The following EPS8 variants were observed in gnomAD, a reference collection of about 807,000 sequenced individuals.
EPS8 encodes epidermal growth factor receptor kinase substrate 8.
In EPS8, 42 loss-of-function variants were observed where a neutral mutation model predicts 103.8. That is an observed-to-expected ratio of 0.40 (90% confidence interval 0.32 to 0.52). The LOEUF (loss-of-function observed/expected upper bound fraction) is 0.52, where lower values mean the gene tolerates loss of function less well. EPS8 is among the 20% of genes least tolerant of loss of function. The pLI is 0.40. For missense variants in EPS8, 969 were observed against 1,005.1 expected, an observed-to-expected ratio of 0.96 and a Z score of 0.49; for synonymous variants, 344 against 344.6, an observed-to-expected ratio of 1.00 and a Z score of 0.02.
At position 15,713,568 on chromosome 12, in the gene EPS8, GT is replaced by G; in HGVS notation, c.-21-30597del. ...CTTGAAGGAGAAAGAACAGAAGAAA[GT>G]GCTCCCTCAAGAGAGAAAGCACTCT... is the stretch of plus-strand genomic sequence containing the variant. On this transcript the variant is annotated intron_variant, in intron 1 of 20. Coordinates refer to ENST00000281172, the MANE Select transcript of EPS8 (RefSeq NM_004447.6). This position sits in a 1 kb window ranked among gnomAD's most constrained non-coding sequence, Gnocchi z 4.8. Among the ~76,000 whole-genome samples, 1 of 152,248 alleles carries G rather than the reference GT, an allele frequency of 6.6e-6. No individual in the cohort carries two copies. Among genetic ancestry groups the G allele is most frequent in the South Asian group, 2.1e-4 (1 of 4,816 alleles).
rs751623788 is a variant in EPS8, at chr12:15,666,448, G to T, written c.591C>A (p.Asp197Glu). The change falls in exon 7 of 21, where the codon GAC (aspartate) becomes GAA (glutamate). Residue 197 changes from aspartate to glutamate, a missense_variant. Coordinates refer to ENST00000281172, the MANE Select transcript of EPS8 (RefSeq NM_004447.6). ...TCTTTCAATGCTTTTACCTCAGGGC[G>T]TCGGGCCGCCTCTTCTGTTTCCCTC... ...SKGGKQKRRP[D>E]ALRMISNADP... The T allele has an allele frequency of 1.2e-6, 2 of 1,612,476 alleles. No individual in the cohort carries two copies. The highest frequency in any genetic ancestry group is 2.2e-5 in the South Asian group (2 of 91,016).
At chr12:15,756,731 T>A (rs958108226) in intron 1 of EPS8, among the ~76,000 whole-genome samples, 1 of 152,180 alleles carries the variant, frequency 6.6e-6, no homozygotes, top group East Asian at 1.9e-4. Context: ...CTTATTTACG[T>A]AGGAAGAAAT....
chr12:15,743,599 A>G (rs1946846426), intron 1 of EPS8, among the ~76,000 whole-genome samples: 1 of 152,222 alleles, frequency 6.6e-6, no homozygotes, highest in African/African-American at 2.4e-5. Flanking sequence ...GCCCTGAGAA[A>G]TAATACCACA....
At chr12:15,658,472 T>C (rs1384306591) in intron 11 of EPS8, 25 bp downstream of exon 11, 1 of 1,354,246 alleles carries the variant, frequency 7.4e-7, no homozygotes, top group Admixed American at 1.7e-5. Flanking sequence ...TTTCTTCTAA[T>C]TCTATATACA....
At chr12:15,671,340 G>A (rs1945814145) in intron 3 of EPS8, among the ~76,000 whole-genome samples, 1 of 152,014 alleles carries the variant, frequency 6.6e-6, no homozygotes, top group African/African-American at 2.4e-5. Context: ...TATTATATGA[G>A]TTAGACTACA....
At chr12:15,628,204 A>G (rs950182055) in intron 18 of EPS8, among the ~76,000 whole-genome samples, 2 of 152,198 alleles carry the variant, frequency 1.3e-5, no homozygotes, top group African/African-American at 4.8e-5. Context: ...TTAAAAAATC[A>G]CTACAACAAA....
At chr12:15,626,437 T>C (rs1371499057) in intron 18 of EPS8, among the ~76,000 whole-genome samples, 1 of 152,032 alleles carries the variant, frequency 6.6e-6, no homozygotes, top group African/African-American at 2.4e-5. Context: ...GAGACCATCC[T>C]GGCCAACATG....
At chr12:15,786,743 A>G (rs1332806639) in intron 1 of EPS8, among the ~76,000 whole-genome samples, 1 of 152,120 alleles carries the variant, frequency 6.6e-6, no homozygotes, top group Admixed American at 6.5e-5. Flanking sequence ...AGACCCTTAA[A>G]CTTTCTTGCA....
chr12:15,648,094 C>T (rs958741207), intron 14 of EPS8, among the ~76,000 whole-genome samples: 1 of 152,166 alleles, frequency 6.6e-6, no homozygotes, highest in Non-Finnish European at 1.5e-5. Flanking sequence ...CAGTAATGCT[C>T]GCAGGCCTGC....
chr12:15,678,099 G>C (rs1945941007), intron 3 of EPS8, among the ~76,000 whole-genome samples: 1 of 152,028 alleles, frequency 6.6e-6, no homozygotes, highest in Admixed American at 6.6e-5. Context: ...CATACTTCTA[G>C]CATGTGATAA....
chr12:15,724,981 T>C (rs1946637093), intron 1 of EPS8, among the ~76,000 whole-genome samples: 1 of 152,110 alleles, frequency 6.6e-6, no homozygotes, highest in African/African-American at 2.4e-5. Flanking sequence ...ATGAAAATAA[T>C]AAGTCTTCAG....
intron 1 of EPS8, among the ~76,000 whole-genome samples, chr12:15,715,386 TTAC>T (rs1221059515): frequency 6.6e-5 from 3 of 45,290 alleles, no homozygotes; most frequent in Non-Finnish European, 1.7e-4. Flanking sequence ...TTTTTTTTCT[TTAC>T]TTTTCTTTTT....
chr12:15,726,215 T>G (rs1362659384), intron 1 of EPS8, among the ~76,000 whole-genome samples: 1 of 151,776 alleles, frequency 6.6e-6, no homozygotes, highest in South Asian at 2.1e-4. Flanking sequence ...TTTTTTCAGA[T>G]GAAGGACATG....
At chr12:15,765,363 T>C (rs2136035924) in intron 1 of EPS8, among the ~76,000 whole-genome samples, 1 of 152,300 alleles carries the variant, frequency 6.6e-6, no homozygotes, top group African/African-American at 2.4e-5. Flanking sequence ...CTTGTATTTC[T>C]ACCCATATCA....
Position 15,681,232 on chromosome 12 carries a change from G to C in EPS8, c.130C>G (p.Leu44Val). ...EHGSKTSAKA[L>V]YEQRKNYARD... ...ATCAAATAAACAAACCTACCATAAA[G>C]GGCCTTTGCACTTGTTTTTGAACCA... Residue 44 changes from leucine to valine, a missense_variant, in exon 3 of 21, where the codon CTT becomes GTT. Leu to Val is a conservative substitution (Grantham distance 32, BLOSUM62 1). Transcript: ENST00000281172. 6.4e-7 allele frequency: 1 copy of C among 1,552,438 alleles called. No individual in the cohort carries two copies. Among genetic ancestry groups the C allele is most frequent in the Non-Finnish European group, 8.8e-7 (1 of 1,140,650 alleles).
In EPS8 at chr12:15,777,067, T is replaced by C. The variant is rs1019407925; in HGVS notation, c.-22+12094A>G. On this transcript the variant is annotated intron_variant, in intron 1 of 20. Transcript: ENST00000281172. The surrounding 1 kb of genome is among the most constrained non-coding windows in gnomAD (Gnocchi z 4.7). ...CTAACTGCCTGGCAGAGAGAAAAGA[T>C]GAAAATAGCTAGAGATAACAGATAT... 2.0e-5 allele frequency among the ~76,000 whole-genome samples: 3 copies of C among 152,162 alleles called. No individual in the cohort carries two copies. The highest frequency in any genetic ancestry group is 1.3e-4 in the Admixed American group (2 of 15,280).
intron 17 of EPS8, among the ~76,000 whole-genome samples, chr12:15,639,811 T>C (rs968805223): frequency 6.6e-6 from 1 of 152,238 alleles, no homozygotes; most frequent in East Asian, 1.9e-4. Flanking sequence ...TCACTGCATA[T>C]TCTACGCAGC....
intron 1 of EPS8, among the ~76,000 whole-genome samples, chr12:15,703,853 T>TTTG (rs1946346554): frequency 6.9e-6 from 1 of 144,782 alleles, no homozygotes; most frequent in African/African-American, 2.6e-5. Flanking sequence ...ATTTGTTTTT[T>TTTG]TTTTTTTTTT....
rs1200261526 is a variant in EPS8, at chr12:15,631,545, C to T, written c.1941G>A (p.Val647=). Residue 647 remains valine (V), a synonymous_variant, in exon 18 of 21, where the codon GTG becomes GTA. Coordinates refer to ENST00000281172, the MANE Select transcript of EPS8 (RefSeq NM_004447.6). ...LPPSTPAPVP[V]SKVPANITRQ... is the part of the protein sequence containing the mutation. ...GTGTTATATTTGCTGGGACCTTTGA[C>T]ACAGGAACAGGTGCTGGAGTGGAAG... is the stretch of plus-strand genomic sequence containing the variant. 1.2e-5 allele frequency: 20 copies of T among 1,613,820 alleles called. No individual in the cohort carries two copies. The highest frequency in any genetic ancestry group is 1.7e-5 in the Non-Finnish European group (20 of 1,179,990).
Sources: allele counts gnomAD v4.1 joint callset (sites outside exome capture counted in the v4.1 genomes callset), GRCh38; gene constraint gnomAD v4.1.1; non-coding constraint Gnocchi (gnomAD v3.1); transcripts MANE v1.5; gene names NCBI Gene and HGNC (gene_info 2026-07-23, HGNC 2026-07-21).